Variants in PLA2G6 observed in about 807,000 individuals in gnomAD.
The protein encoded by PLA2G6 is 85/88 kDa calcium-independent phospholipase A2.
A neutral mutation model predicts 83.8 loss-of-function variants in PLA2G6; 62 were observed. That is an observed-to-expected ratio of 0.74 (90% CI 0.60 to 0.91). The LOEUF is 0.91. Ranked by LOEUF, PLA2G6 falls within the 40% of genes least tolerant of loss-of-function variation. The pLI is 0.00. For missense variants in PLA2G6, 944 were observed against 1,102.0 expected (o/e 0.86, Z 2.03); for synonymous variants, 417 against 449.8 (o/e 0.93, Z 0.92).
At chr22:38,171,745 C>T (rs368866041) in intron 1 of PLA2G6, among the ~76,000 whole-genome samples, 26 of 150,708 alleles carry the variant, frequency 1.7e-4, no homozygotes, top group African/African-American at 5.4e-4. Flanking sequence ...CACTTGAGCC[C>T]GGGAGGTGGA....
chr22:38,114,259 CA>C (rs2087053750), intron 14 of PLA2G6, among the ~76,000 whole-genome samples: 1 of 151,744 alleles, frequency 6.6e-6, no homozygotes, highest in Admixed American at 6.6e-5. Flanking sequence ...CGGCTCACTG[CA>C]AGCTCCGCCT....
chr22:38,126,946 G>A, intron 9 of PLA2G6: 1 of 998,948 alleles, frequency 1.0e-6, no homozygotes, highest in Non-Finnish European at 1.2e-6. Flanking sequence ...TAAGTCCATG[G>A]ATGAAAGGAG....
intron 2 of PLA2G6, among the ~76,000 whole-genome samples, chr22:38,165,410 C>G (rs1480040950): frequency 6.6e-6 from 1 of 152,050 alleles, no homozygotes; most frequent in Non-Finnish European, 1.5e-5. Context: ...GCCTGCAGGT[C>G]AGGGGAGGGC....
intron 10 of PLA2G6, among the ~76,000 whole-genome samples, chr22:38,125,230 A>G (rs546973147): frequency 1.3e-5 from 2 of 152,064 alleles, no homozygotes; most frequent in African/African-American, 4.8e-5. Context: ...GCATGTGTGC[A>G]TGTGTGTGCG....
At chr22:38,120,316 G>A (rs2087448534) in intron 12 of PLA2G6, among the ~76,000 whole-genome samples, 1 of 152,252 alleles carries the variant, frequency 6.6e-6, no homozygotes. Context: ...AGCGAGTGCT[G>A]TCTGAAATGT....
chr22:38,123,136 C>T lies in PLA2G6; in HGVS notation c.1550G>A (p.Gly517Asp). 1.3e-6 allele frequency: 2 copies of T among 1,549,984 alleles called. No individual in the cohort carries two copies. Among genetic ancestry groups the T allele is most frequent in the Non-Finnish European group, 1.7e-6 (2 of 1,147,256 alleles). The change falls in exon 11 of 17, where the codon GGC becomes GAC. Residue 517 changes from glycine (G) to aspartate (D), a missense_variant. Physicochemically the swap from Gly to Asp is moderately conservative, Grantham distance 94 (BLOSUM62 -1). Coordinates refer to ENST00000332509, the MANE Select transcript of PLA2G6 (RefSeq NM_003560.4). The surrounding 1 kb of genome is among the most constrained non-coding windows in gnomAD (Gnocchi z 4.1). ...ATKDLFDWVA[G>D]TSTGGILALA... Reference sequence around the variant, plus strand: ...GGCCAGGATGCCTCCAGTGCTGGTGCCCGCCACCCAGTCAAACAGGTCCTT... The same window carrying T: ...GGCCAGGATGCCTCCAGTGCTGGTGTCCGCCACCCAGTCAAACAGGTCCTT...
intron 1 of PLA2G6, among the ~76,000 whole-genome samples, chr22:38,176,342 A>T (rs2090630682): frequency 6.6e-6 from 1 of 152,202 alleles, no homozygotes; most frequent in South Asian, 2.1e-4. Context: ...ACCCACAGGC[A>T]GCAGGCCAGG....
intron 1 of PLA2G6, among the ~76,000 whole-genome samples, chr22:38,179,062 T>C (rs2090745554): frequency 6.6e-6 from 1 of 152,172 alleles, no homozygotes; most frequent in South Asian, 2.1e-4. Flanking sequence ...AGTGAAATTT[T>C]AGATTGGGTG....
intron 1 of PLA2G6, among the ~76,000 whole-genome samples, chr22:38,169,977 C>T (rs2090373138): frequency 1.3e-5 from 2 of 152,242 alleles, no homozygotes; most frequent in South Asian, 4.1e-4. Context: ...GCGGGCGGAT[C>T]ATTTGAGGTC....
chr22:38,176,722 C>T (rs574638431), intron 1 of PLA2G6, among the ~76,000 whole-genome samples: 11 of 152,274 alleles, frequency 7.2e-5, no homozygotes, highest in Admixed American at 3.9e-4. Flanking sequence ...ACTTGTGATC[C>T]ACCTCCAAGC....
At chr22:38,112,889 CT>C (rs1555974806) in intron 15 of PLA2G6, 3 of 61,272 alleles carry the variant, frequency 4.9e-5, no homozygotes, top group South Asian at 4.0e-4. Flanking sequence ...TCCCTCCCTC[CT>C]CTCTCTCTCT....
chr22:38,175,311 C>T (rs2090591589), intron 1 of PLA2G6, among the ~76,000 whole-genome samples: 2 of 152,148 alleles, frequency 1.3e-5, no homozygotes, highest in Non-Finnish European at 2.9e-5. Flanking sequence ...CCAACCCAGC[C>T]TGACACCCCT....
At chr22:38,150,860 G>T (rs1463020119) in intron 2 of PLA2G6, among the ~76,000 whole-genome samples, 1 of 152,214 alleles carries the variant, frequency 6.6e-6, no homozygotes, top group African/African-American at 2.4e-5. Context: ...GCCAAGGCAG[G>T]CAAATCACTT....
intron 2 of PLA2G6, chr22:38,146,766 CT>C (rs1461083625): frequency 7.8e-6 from 1 of 128,062 alleles, no homozygotes; most frequent in Non-Finnish European, 1.7e-5. Context: ...GGAAACTTTT[CT>C]TTTTCTTTTC....
At chr22:38,152,975 A>G (rs1263362221) in intron 2 of PLA2G6, among the ~76,000 whole-genome samples, 2 of 152,216 alleles carry the variant, frequency 1.3e-5, no homozygotes, top group African/African-American at 2.4e-5. Context: ...GGGGAAAAAA[A>G]AAAAGGAAGC....
chr22:38,171,087 G>A (rs532760805), intron 1 of PLA2G6, among the ~76,000 whole-genome samples: 3 of 150,536 alleles, frequency 2.0e-5, no homozygotes, highest in East Asian at 2.0e-4. Context: ...CAGAAGAATC[G>A]CTTGAACCTG....
chr22:38,156,461 AT>A (rs132958), intron 2 of PLA2G6, among the ~76,000 whole-genome samples: 11 of 150,274 alleles, frequency 7.3e-5, no homozygotes, highest in Non-Finnish European at 1.0e-4. Flanking sequence ...TATTGTTATT[AT>A]TTTTTTTTTG....
At chr22:38,163,742 A>G in intron 2 of PLA2G6, 1 of 168,676 alleles carries the variant, frequency 5.9e-6, no homozygotes. Flanking sequence ...CCCACTCTAA[A>G]GTTATCTCAC....
intron 14 of PLA2G6, among the ~76,000 whole-genome samples, chr22:38,115,113 C>T (rs1374989593): frequency 2.0e-5 from 3 of 152,242 alleles, no homozygotes; most frequent in Non-Finnish European, 4.4e-5. Flanking sequence ...GGAGCCCTTT[C>T]CGAGCCCCCA....
Sources: gnomAD v4.1 joint callset for allele counts (sites outside exome capture counted in the v4.1 genomes callset) on GRCh38, gnomAD v4.1.1 for gene constraint, Gnocchi (gnomAD v3.1) non-coding constraint, MANE v1.5 for transcripts, NCBI Gene and HGNC (gene_info 2026-07-23, HGNC 2026-07-21) for gene names.